The following INPP4B variants were observed in gnomAD, a reference collection of about 807,000 sequenced individuals.
The protein encoded by INPP4B is inositol polyphosphate 4-phosphatase type II.
In INPP4B, 55 loss-of-function variants were observed where a neutral mutation model predicts 122.5. The observed-to-expected ratio is 0.45, with a 90% CI of 0.36 to 0.56. The LOEUF is 0.56. INPP4B is among the 20% of genes least tolerant of loss of function. The probability of loss-of-function intolerance (pLI) is 0.00; values close to 1 mark genes in which losing one functional copy is unlikely to be tolerated. For missense variants in INPP4B, 1,000 were observed against 1,097.7 expected (o/e 0.91, Z 1.26); for synonymous variants, 403 against 388.7 (o/e 1.04, Z -0.43).
chr4:142,063,100 ATTTT>A (rs971633580), intron 25 of INPP4B, among the ~76,000 whole-genome samples: 1 of 152,156 alleles, frequency 6.6e-6, no homozygotes, highest in African/African-American at 2.4e-5. Flanking sequence ...TTCAACATTT[ATTTT>A]TTGCAGGGAT....
At chr4:142,177,259 TGGA>T (rs966610251) in intron 15 of INPP4B, among the ~76,000 whole-genome samples, 1 of 7,454 alleles carries the variant, frequency 1.3e-4, no homozygotes, top group African/African-American at 1.7e-4. Flanking sequence ...TAGTATGGTA[TGGA>T]AAAAAAAAAT....
chr4:142,816,063 A>G (rs890622141), intron 1 of INPP4B, among the ~76,000 whole-genome samples: 2 of 152,264 alleles, frequency 1.3e-5, no homozygotes, highest in African/African-American at 2.4e-5. Flanking sequence ...GATGTCAGAG[A>G]AGTGAGCAGG....
intron 7 of INPP4B, among the ~76,000 whole-genome samples, chr4:142,348,769 A>C (rs1415765391): frequency 6.6e-6 from 1 of 151,998 alleles, no homozygotes; most frequent in Non-Finnish European, 1.5e-5. Flanking sequence ...ATAGCCACAG[A>C]AGGTTATCAG....
At chr4:142,489,178 T>G (rs1050393213) in intron 2 of INPP4B, among the ~76,000 whole-genome samples, 5 of 152,166 alleles carry the variant, frequency 3.3e-5, no homozygotes, top group African/African-American at 1.2e-4. Context: ...TGTCTTTTAA[T>G]TTTTCCTAGT....
intron 7 of INPP4B, among the ~76,000 whole-genome samples, chr4:142,396,583 C>A (rs1232154670): frequency 6.6e-6 from 1 of 152,064 alleles, no homozygotes; most frequent in Non-Finnish European, 1.5e-5. Context: ...CTGTCCTATA[C>A]TCTAGAAATT....
intron 18 of INPP4B, among the ~76,000 whole-genome samples, chr4:142,136,402 C>A (rs1297158372): frequency 6.6e-6 from 1 of 152,242 alleles, no homozygotes; most frequent in African/African-American, 2.4e-5. Flanking sequence ...TTCAGGATGG[C>A]AACTCAGAGC....
chr4:142,764,986 G>A (rs1771894012), intron 1 of INPP4B, among the ~76,000 whole-genome samples: 1 of 152,076 alleles, frequency 6.6e-6, no homozygotes, highest in African/African-American at 2.4e-5. Context: ...GTGCAATCAG[G>A]TGTTTGAAAA....
intron 2 of INPP4B, among the ~76,000 whole-genome samples, chr4:142,718,907 C>T (rs920878114): frequency 6.6e-6 from 1 of 152,156 alleles, no homozygotes; most frequent in African/African-American, 2.4e-5. Flanking sequence ...TATGAAAGTA[C>T]ATATTCCCTG....
At chr4:142,482,177 C>T (rs1580176771) in intron 2 of INPP4B, among the ~76,000 whole-genome samples, 3 of 152,066 alleles carry the variant, frequency 2.0e-5, no homozygotes, top group African/African-American at 4.8e-5. Flanking sequence ...ATATATATTG[C>T]TAATAGAACT....
chr4:142,148,891 A>T (rs1370609196), intron 17 of INPP4B, among the ~76,000 whole-genome samples: 1 of 152,230 alleles, frequency 6.6e-6, no homozygotes, highest in Non-Finnish European at 1.5e-5. Flanking sequence ...AATATTTATT[A>T]GGGTGAGAAA....
intron 11 of INPP4B, among the ~76,000 whole-genome samples, chr4:142,248,336 C>CTCTCTT (rs756252445): frequency 9.4e-6 from 1 of 106,378 alleles, no homozygotes; most frequent in Non-Finnish European, 1.7e-5. Flanking sequence ...CTCTCTCTCT[C>CTCTCTT]TTTTTTTTTT....
chr4:142,248,782 A>G (rs1730444548), intron 11 of INPP4B, among the ~76,000 whole-genome samples: 1 of 151,944 alleles, frequency 6.6e-6, no homozygotes, highest in Non-Finnish European at 1.5e-5. Flanking sequence ...CAGGACTGGA[A>G]ATTTTTATTC....
chr4:142,582,335 C>CA, intron 2 of INPP4B, among the ~76,000 whole-genome samples: 1 of 152,124 alleles, frequency 6.6e-6, no homozygotes, highest in East Asian at 1.9e-4. Flanking sequence ...AGTGAAGCCA[C>CA]AAAAATATAT....
At chr4:142,526,549 G>T (rs937739835) in intron 2 of INPP4B, among the ~76,000 whole-genome samples, 1 of 152,038 alleles carries the variant, frequency 6.6e-6, no homozygotes, top group Non-Finnish European at 1.5e-5. Context: ...ATAGACATCA[G>T]AGATAAGTTA....
intron 18 of INPP4B, 24 bp downstream of exon 18, chr4:142,145,816 T>C (rs557465595): frequency 1.4e-5 from 23 of 1,610,058 alleles, no homozygotes; most frequent in African/African-American, 5.3e-5. Flanking sequence ...CAGTAAATGA[T>C]TGGGAAAAAA....
chr4:142,550,374 C>T (rs977589514), intron 2 of INPP4B, among the ~76,000 whole-genome samples: 3 of 152,008 alleles, frequency 2.0e-5, no homozygotes, highest in Non-Finnish European at 4.4e-5. Context: ...TAATTAAGGT[C>T]TGTGAACTCA....
chr4:142,697,148 CTG>C (rs1160881971), intron 2 of INPP4B, among the ~76,000 whole-genome samples: 3 of 152,202 alleles, frequency 2.0e-5, no homozygotes, highest in African/African-American at 7.2e-5. Context: ...TTAAAATTAC[CTG>C]TTGTACAATG....
chr4:142,478,805 A>G (rs1275624386), intron 2 of INPP4B, among the ~76,000 whole-genome samples: 2 of 152,180 alleles, frequency 1.3e-5, no homozygotes, highest in African/African-American at 4.8e-5. Context: ...GCCTCATAGA[A>G]TGAGCTGGAT....
At chr4:142,622,748 C>T (rs1296665008) in intron 2 of INPP4B, among the ~76,000 whole-genome samples, 4 of 151,920 alleles carry the variant, frequency 2.6e-5, no homozygotes, top group Admixed American at 6.6e-5. Flanking sequence ...AAAACCTCAG[C>T]TACATCTTAG....
Sources: allele counts gnomAD v4.1 joint callset (sites outside exome capture counted in the v4.1 genomes callset), GRCh38; gene constraint gnomAD v4.1.1; transcripts MANE v1.5; gene names NCBI Gene and HGNC (gene_info 2026-07-23, HGNC 2026-07-21).